The following TBL3 variants were observed in gnomAD, a reference collection of about 807,000 sequenced individuals.
The protein encoded by TBL3 is transducin beta like 3.
In TBL3, 71 loss-of-function variants were observed where a neutral mutation model predicts 102.7. The ratio of observed to expected loss-of-function variants is 0.69; its 90% CI spans 0.57 to 0.84. TBL3 has a LOEUF of 0.84. TBL3 is among the 40% of genes least tolerant of loss of function. TBL3 has a pLI of 0.00. For missense variants in TBL3, 1,188 were observed against 1,098.5 expected, an observed-to-expected ratio of 1.08 and a Z score of -1.15; for synonymous variants, 578 against 477.7, an observed-to-expected ratio of 1.21 and a Z score of -2.74.
At position 1,980,390 on chromosome 16, in the gene TBL3, C is replaced by T; in HGVS notation, c.*1705C>T. ...ACCTGCCGGGTGGCAGCGCGGGCTC[C>T]AGGTCCAGGGGTTGCGGTGCGAAGA... On this transcript the variant is annotated 3_prime_UTR_variant, in exon 22 of 22. Coordinates refer to ENST00000568546, the MANE Select transcript of TBL3 (RefSeq NM_006453.3). The T allele has an allele frequency of 6.2e-7, 1 of 1,602,478 alleles. No individual in the cohort carries two copies.
intron 1 of TBL3, among the ~76,000 whole-genome samples, chr16:1,973,103 A>AC (rs1408673732): frequency 1.3e-5 from 2 of 152,154 alleles, no homozygotes; most frequent in African/African-American, 4.8e-5. Context: ...GGGCAGTGAC[A>AC]TCTTCAGTTA....
At chr16:1,972,265 G>C in intron 1 of TBL3, 60 bp downstream of exon 1, 2 of 1,298,776 alleles carry the variant, frequency 1.5e-6, no homozygotes, top group Non-Finnish European at 2.0e-6. Flanking sequence ...CGGCATAGCG[G>C]AGGCGCGCGT....
chr16:1,976,673 T>G lies in TBL3; in HGVS notation c.1293-141T>G. The G allele has an allele frequency of 2.3e-5, 22 of 942,596 alleles. No homozygotes were observed. The South Asian group carries it at 3.4e-4, about 15-fold the overall frequency. The allele number at this position is 942,596 out of a possible 1,614,324, so 58.4% of individuals were successfully genotyped here. A position where few individuals can be genotyped will look rare whatever the true frequency, so the allele number is the denominator to read the frequency against. On this transcript the variant is annotated intron_variant, in intron 13 of 21. Coordinates refer to ENST00000568546, the MANE Select transcript of TBL3 (RefSeq NM_006453.3). ...GACAGGGCTTGATCCTACAGGTGCC[T>G]GGGGGTGACCCAGGCCAACCCGCAT...
Position 1,978,206 on chromosome 16 carries a change from G to A in TBL3, c.2120G>A (p.Arg707Gln), listed in dbSNP as rs763489728. 23 of 1,612,720 alleles carry A rather than the reference G, an allele frequency of 1.4e-5. No individual in the cohort carries two copies. Among genetic ancestry groups the A allele is most frequent in the South Asian group, 8.8e-5 (8 of 91,086 alleles). Reference protein sequence around the residue: ...EKLEATMLRLRRDQKEALLRF... With the variant: ...EKLEATMLRLQRDQKEALLRF... Reference sequence around the variant, plus strand: ...CTGGAAGCCACCATGCTCCGACTGCGGCGCGACCAGAAAGGTTGGCGGCCA... The same window carrying A: ...CTGGAAGCCACCATGCTCCGACTGCAGCGCGACCAGAAAGGTTGGCGGCCA... The change falls in exon 20 of 22, where the codon CGG becomes CAG. Residue 707 changes from arginine (R) to glutamine (Q), a missense_variant. Coordinates refer to ENST00000568546, the MANE Select transcript of TBL3 (RefSeq NM_006453.3).
chr16:1,979,536 T>G lies in TBL3; in HGVS notation c.*851T>G, dbSNP rs1175946355. On this transcript the variant is annotated 3_prime_UTR_variant, in exon 22 of 22. Transcript: ENST00000568546. ...CTCGTAGGCGCGGGAAGCACAGAAC[T>G]GGGGACCTGGTGGGAGTGGGTGTTT... is the stretch of plus-strand genomic sequence containing the variant. 2.5e-6 allele frequency: 4 copies of G among 1,609,224 alleles called. No individual in the cohort carries two copies. The African/African-American group carries it at 5.3e-5, about 22-fold the overall frequency.
In TBL3 at chr16:1,978,659, G is replaced by A; in HGVS notation, c.2401G>A (p.Glu801Lys). Reference sequence around the variant, plus strand: ...GCCGGCCGCCGCCCCCACCCCCTGGGAAACCCATAAAGGCGCACTGCCCTA... The same window carrying A: ...GCCGGCCGCCGCCCCCACCCCCTGGAAAACCCATAAAGGCGCACTGCCCTA... ...PVPAAAPTPW[E>K]THKGALP is the part of the protein sequence containing the mutation. The change falls in exon 22 of 22, where the codon GAA becomes AAA. Residue 801 changes from glutamate to lysine, a missense_variant. Transcript: ENST00000568546. 4.3e-6 allele frequency: 7 copies of A among 1,612,430 alleles called. No individual in the cohort carries two copies. The highest frequency in any genetic ancestry group is 5.9e-6 in the Non-Finnish European group (7 of 1,179,722).
At chr16:1,976,006 T>TC (rs768531609) in intron 11 of TBL3, 50 bp from the exon 12 acceptor site, 2 of 1,614,096 alleles carry the variant, frequency 1.2e-6, no homozygotes, top group Non-Finnish European at 1.7e-6. Flanking sequence ...CTTGCTTGCT[T>TC]CCCTTCCCCC....
chr16:1,980,495 G>C lies in TBL3; in HGVS notation c.*1810G>C, dbSNP rs2083481933. The C allele has an allele frequency of 1.9e-6, 3 of 1,602,914 alleles. No homozygotes were observed. The highest frequency in any genetic ancestry group is 2.5e-6 in the Non-Finnish European group (3 of 1,179,604). On this transcript the variant is annotated 3_prime_UTR_variant, in exon 22 of 22. Coordinates refer to ENST00000568546, the MANE Select transcript of TBL3 (RefSeq NM_006453.3). ...GAGAATAGGTTTCCAACAGCTGCAG[G>C]CGCGCCAGGCCGCGGCTCGTGCGCC...
At position 1,974,279 on chromosome 16, in the gene TBL3, G is replaced by A. The variant is rs750579347; in HGVS notation, c.176G>A (p.Arg59Gln). ...GAAGTGGCCTCGGGGGCCGTGCTGC[G>A]GAGTCTGGAGCAGGTGAGGGCAGCC... Reference protein sequence around the residue: ...ILEVASGAVLRSLEQEDQEDI... With the variant: ...ILEVASGAVLQSLEQEDQEDI... The change falls in exon 3 of 22, where the codon CGG becomes CAG. Residue 59 changes from arginine to glutamine, a missense_variant. Physicochemically the swap from Arg to Gln is conservative, Grantham distance 43. Transcript: ENST00000568546. 1.9e-5 allele frequency: 31 copies of A among 1,596,592 alleles called. No individual in the cohort carries two copies. The highest frequency in any genetic ancestry group is 1.1e-4 in the South Asian group (10 of 88,734).
In TBL3 at chr16:1,975,055, G is replaced by C. The variant is rs142475109; in HGVS notation, c.592G>C (p.Val198Leu). 403 of 1,608,298 alleles carry C rather than the reference G, an allele frequency of 2.5e-4. No individual in the cohort carries two copies. In the African/African-American group the frequency reaches 4.3e-3, roughly 17 times the overall value. The change falls in exon 7 of 22, where the codon GTC becomes CTC. Residue 198 changes from valine (V) to leucine (L), a missense_variant. Val to Leu is a conservative substitution (Grantham distance 32). Transcript: ENST00000568546. ...TGTGCTGACTGCCCACTACAGCGCC[G>C]TCACCTCACTGGCCTTCAGCGCCGA... Reference protein sequence around the residue: ...LAVLTAHYSAVTSLAFSADGH... With the variant: ...LAVLTAHYSALTSLAFSADGH...
intron 1 of TBL3, among the ~76,000 whole-genome samples, chr16:1,973,498 G>C (rs895305938): frequency 6.6e-6 from 1 of 152,208 alleles, no homozygotes; most frequent in Non-Finnish European, 1.5e-5. Context: ...GGCCAGAGTG[G>C]CTGGCCAGAG....
At chr16:1,976,722 G>T in intron 13 of TBL3, 92 bp from the exon 14 acceptor site, 1 of 1,528,410 alleles carries the variant, frequency 6.5e-7, no homozygotes, top group South Asian at 1.2e-5. Context: ...CCGTGGTCTG[G>T]ACCGTGGGCT....
Position 1,982,661 on chromosome 16 carries a change from TGTAA to T in TBL3, c.*3977_*3980del, listed in dbSNP as rs2083525523. ...CCAAGGACAGACACAGTGCCTCACC[TGTAA>T]TCCAAGTACTTTGGGAGGCCGAGGC... On this transcript the variant is annotated 3_prime_UTR_variant, in exon 22 of 22. Coordinates refer to ENST00000568546, the MANE Select transcript of TBL3 (RefSeq NM_006453.3). The T allele has an allele frequency of 6.6e-6, 1 of 152,382 alleles. No homozygotes were observed. Among genetic ancestry groups the T allele is most frequent in the African/African-American group, 2.4e-5 (1 of 41,416 alleles). The allele number at this position is 152,382 out of a possible 1,614,324, so 9.4% of individuals were successfully genotyped here. A position where few individuals can be genotyped will look rare whatever the true frequency, so the allele number is the denominator to read the frequency against.
chr16:1,974,913 C>T lies in TBL3; in HGVS notation c.465-15C>T, dbSNP rs1665860356. The T allele has an allele frequency of 6.2e-7, 1 of 1,612,176 alleles. No individual in the cohort carries two copies. The highest frequency in any genetic ancestry group is 1.3e-5 in the African/African-American group (1 of 74,912). On this transcript the variant is annotated splice_polypyrimidine_tract_variant and intron_variant, in intron 6 of 21. Coordinates refer to ENST00000568546, the MANE Select transcript of TBL3 (RefSeq NM_006453.3). Reference sequence around the variant, plus strand: ...AGGCTGCACAGCTCACCCATCCTGTCCCGTCCGCCCACAGCCTAGTGGCCT... The same window carrying T: ...AGGCTGCACAGCTCACCCATCCTGTTCCGTCCGCCCACAGCCTAGTGGCCT...
intron 7 of TBL3, 28 bp from the exon 8 acceptor site, chr16:1,975,159 T>C (rs762111387): frequency 2.5e-6 from 4 of 1,613,672 alleles, no homozygotes; most frequent in Non-Finnish European, 2.5e-6. Flanking sequence ...GGCTAAGACT[T>C]GACCTGAGGT....
intron 1 of TBL3, among the ~76,000 whole-genome samples, chr16:1,972,705 C>T (rs2083369212): frequency 6.6e-6 from 1 of 152,198 alleles, no homozygotes; most frequent in Admixed American, 6.5e-5. Context: ...AGTGCTGGTG[C>T]CCCCGCCCTG....
In TBL3 at chr16:1,974,707, T is replaced by G. The variant is rs775032962; in HGVS notation, c.379+28T>G. On this transcript the variant is annotated intron_variant, in intron 5 of 21. Coordinates refer to ENST00000568546, the MANE Select transcript of TBL3 (RefSeq NM_006453.3). ...AGGGCCCTGCCGTGCAGGTGGGTCG[T>G]GGGCACAGATGCAGGGGCTTTGGGC... 2.5e-6 allele frequency: 4 copies of G among 1,611,744 alleles called. No individual in the cohort carries two copies. The South Asian group carries it at 4.4e-5, about 18-fold the overall frequency.
chr16:1,978,401 A>C lies in TBL3; in HGVS notation c.2223A>C (p.Arg741=), dbSNP rs8460. The C allele has an allele frequency of 0.33, 528,311 of 1,611,644 alleles. 90,899 individuals carry two copies. The highest frequency in any genetic ancestry group is 0.62 in the African/African-American group (46,665 of 74,964). The stretch of plus-strand genomic sequence containing the variant: ...CCGTGCTGGGTGTGCTCTTGAGGCG[A>C]GAGGCCCCCGAGGAGCTGCTGGCCT... ...AQAVLGVLLR[R]EAPEELLAYE... Residue 741 remains arginine (R), a synonymous_variant, in exon 21 of 22, where the codon CGA becomes CGC. Transcript: ENST00000568546.
rs1353428883 is a variant in TBL3 at position 1,978,729 on chromosome 16, C to A, written c.*44C>A. ...AGTCCATCCTGAACCCCTGGAAAAC[C>A]CATAAAGGCCGCTCTCCTGGCCGGC... On this transcript the variant is annotated 3_prime_UTR_variant, in exon 22 of 22. Coordinates refer to ENST00000568546, the MANE Select transcript of TBL3 (RefSeq NM_006453.3). 1.4e-5 allele frequency: 22 copies of A among 1,582,316 alleles called. No individual in the cohort carries two copies. The highest frequency in any genetic ancestry group is 1.7e-5 in the Admixed American group (1 of 57,880).
Sources: allele counts gnomAD v4.1 joint callset (sites outside exome capture counted in the v4.1 genomes callset), GRCh38; gene constraint gnomAD v4.1.1; transcripts MANE v1.5; gene names NCBI Gene and HGNC (gene_info 2026-07-23, HGNC 2026-07-21).